The following DZIP1 variants were observed in gnomAD, a reference collection of about 807,000 sequenced individuals.
The protein encoded by DZIP1 is DAZ interacting zinc finger protein 1.
DZIP1 carries 97 observed loss-of-function variants against 107.6 expected under a neutral mutation model. That is an observed-to-expected ratio of 0.90 (90% confidence interval 0.77 to 1.07). The LOEUF is 1.07. Among genes scored for constraint, DZIP1 ranks in the 50% least tolerant of loss-of-function variants. The probability of loss-of-function intolerance (pLI) is 0.00; values close to 1 mark genes in which losing one functional copy is unlikely to be tolerated. For missense variants in DZIP1, 1,035 were observed against 1,063.6 expected (o/e 0.97, Z 0.37); for synonymous variants, 390 against 386.4 (o/e 1.01, Z -0.11).
At chr13:95,621,665 A>AGCGTGTGT (rs1478972077) in intron 9 of DZIP1, among the ~76,000 whole-genome samples, 1 of 123,326 alleles carries the variant, frequency 8.1e-6, no homozygotes, top group East Asian at 2.4e-4. Flanking sequence ...ACCAGTTAGC[A>AGCGTGTGT]GTGTGTGTGT....
chr13:95,587,808 AAAGT>A, intron 19 of DZIP1, 79 bp from the exon 20 acceptor site: 1 of 1,454,668 alleles, frequency 6.9e-7, no homozygotes, highest in Non-Finnish European at 9.2e-7. Flanking sequence ...TGTGCCTCTT[AAAGT>A]GGTGGCACCT....
In DZIP1 at chr13:95,641,441, G is replaced by T; in HGVS notation, c.451C>A (p.Leu151Met). ...CTCTGCTCGCCGTCGCAGTGGCTCA[G>T]GCGCAGCCGCTCCTCCAGGGTGTGC... Reference protein sequence around the residue: ...QLHTLEERLRLSHCDGEQSKK... With the variant: ...QLHTLEERLRMSHCDGEQSKK... Residue 151 changes from leucine to methionine, a missense_variant, in exon 5 of 23, where the codon CTG becomes ATG. Leu to Met is a conservative substitution (Grantham distance 15, BLOSUM62 2). Transcript: ENST00000376829. This position sits in a 1 kb window ranked among gnomAD's most constrained non-coding sequence, Gnocchi z 4.3. 6.2e-7 allele frequency: 1 copy of T among 1,614,150 alleles called. No homozygotes were observed. The highest frequency in any genetic ancestry group is 8.5e-7 in the Non-Finnish European group (1 of 1,180,032).
chr13:95,619,558 C>T (rs1875560085), intron 10 of DZIP1, among the ~76,000 whole-genome samples: 1 of 151,966 alleles, frequency 6.6e-6, no homozygotes, highest in Non-Finnish European at 1.5e-5. Flanking sequence ...TTTTGTGGAC[C>T]ACTTTGGTTT....
chr13:95,630,727 C>G (rs1877094382), intron 6 of DZIP1: 1 of 1,269,434 alleles, frequency 7.9e-7, no homozygotes, highest in Non-Finnish European at 1.0e-6. Context: ...CAGATGTACA[C>G]ATGACTGAAT....
chr13:95,601,957 T>G (rs770794655), intron 14 of DZIP1, among the ~76,000 whole-genome samples: 2 of 152,102 alleles, frequency 1.3e-5, no homozygotes, highest in Non-Finnish European at 2.9e-5. Context: ...GAATCTCAAG[T>G]GTAGGATCAC....
At chr13:95,608,463 GT>G (rs774346232) in intron 13 of DZIP1, among the ~76,000 whole-genome samples, 2,718 of 144,338 alleles carry the variant, frequency 0.019, 80 homozygotes, top group African/African-American at 0.064. Context: ...TTTTTTTTTG[GT>G]TTTTTTTCCT....
At chr13:95,633,385 T>G in intron 5 of DZIP1, 64 bp from the exon 6 acceptor site, 5 of 1,403,072 alleles carry the variant, frequency 3.6e-6, no homozygotes, top group South Asian at 1.2e-5. Flanking sequence ...TAATTGCAAT[T>G]AAAATTCAGG....
At chr13:95,604,853 T>G (rs1244465651) in intron 14 of DZIP1, among the ~76,000 whole-genome samples, 1 of 152,212 alleles carries the variant, frequency 6.6e-6, no homozygotes, top group Non-Finnish European at 1.5e-5. Context: ...TGACATAAAA[T>G]AATATGAATA....
intron 13 of DZIP1, among the ~76,000 whole-genome samples, chr13:95,608,626 TG>T: frequency 1.3e-5 from 2 of 152,322 alleles, no homozygotes; most frequent in East Asian, 3.9e-4. Flanking sequence ...AACCCTACTC[TG>T]GGCACTTAAA....
chr13:95,611,338 G>C, intron 12 of DZIP1, 107 bp downstream of exon 12: 1 of 798,098 alleles, frequency 1.3e-6, no homozygotes, highest in South Asian at 1.6e-5. Context: ...ACAACAAGAA[G>C]AATGCCATCT....
At chr13:95,642,554 T>C (rs1191233228) in intron 3 of DZIP1, among the ~76,000 whole-genome samples, 1 of 152,150 alleles carries the variant, frequency 6.6e-6, no homozygotes, top group Non-Finnish European at 1.5e-5. Context: ...TTACACACGA[T>C]TTAGAAAACA....
At chr13:95,610,428 A>G (rs1187408315) in intron 12 of DZIP1, among the ~76,000 whole-genome samples, 1 of 151,690 alleles carries the variant, frequency 6.6e-6, no homozygotes, top group Non-Finnish European at 1.5e-5. Context: ...CTTCCATCCC[A>G]GCCTCCTGAG....
At chr13:95,588,386 A>C (rs567601787) in intron 19 of DZIP1, among the ~76,000 whole-genome samples, 2 of 152,316 alleles carry the variant, frequency 1.3e-5, no homozygotes, top group East Asian at 3.9e-4. Flanking sequence ...ACAGTGCCTC[A>C]ATGAAAAGAT....
At chr13:95,589,620 G>A (rs560826135) in intron 18 of DZIP1, among the ~76,000 whole-genome samples, 183 bp downstream of exon 18, 19 of 152,336 alleles carry the variant, frequency 1.2e-4, no homozygotes, top group African/African-American at 4.6e-4. Context: ...GAAGGCAGTC[G>A]TCTGCAAGGC....
intron 14 of DZIP1, among the ~76,000 whole-genome samples, chr13:95,604,091 CT>C (rs2044700738): frequency 6.6e-6 from 1 of 152,216 alleles, no homozygotes; most frequent in African/African-American, 2.4e-5. Context: ...TCCACTGTGG[CT>C]GCGTCTAGGT....
intron 14 of DZIP1, among the ~76,000 whole-genome samples, chr13:95,603,819 T>A (rs1800255933): frequency 6.6e-6 from 1 of 152,172 alleles, no homozygotes; most frequent in Non-Finnish European, 1.5e-5. Flanking sequence ...CCGTTTAGCT[T>A]GTGTAGCAGA....
chr13:95,618,947 T>G (rs1875480770), intron 10 of DZIP1, among the ~76,000 whole-genome samples: 1 of 152,220 alleles, frequency 6.6e-6, no homozygotes, highest in Non-Finnish European at 1.5e-5. Context: ...GTAAACACAT[T>G]TTAACACTTA....
rs933395603 is a variant in DZIP1, at chr13:95,589,037, A to G, written c.2027+117T>C. The G allele has an allele frequency of 2.7e-5, 23 of 847,250 alleles. No homozygotes were observed. In the Admixed American group the frequency reaches 4.2e-4, roughly 16 times the overall value. The allele number at this position is 847,250 out of a possible 1,614,324, so 52.5% of individuals were successfully genotyped here. A position where few individuals can be genotyped will look rare whatever the true frequency, so the allele number is the denominator to read the frequency against. ...ACATATCACAAAGGAATGACAAATT[A>G]TGATATTAAATAATTACGGCTTCAT... is the stretch of plus-strand genomic sequence containing the variant. On this transcript the variant is annotated intron_variant, in intron 19 of 22. Transcript: ENST00000376829.
intron 19 of DZIP1, 188 bp from the exon 20 acceptor site, chr13:95,587,917 C>G (rs1220040251): frequency 3.3e-6 from 2 of 605,998 alleles, no homozygotes; most frequent in Non-Finnish European, 5.4e-6. Flanking sequence ...TAGCATCCTC[C>G]CACGCCCAGA....
Sources: gnomAD v4.1 joint callset for allele counts (sites outside exome capture counted in the v4.1 genomes callset) on GRCh38, gnomAD v4.1.1 for gene constraint, Gnocchi (gnomAD v3.1) non-coding constraint, MANE v1.5 for transcripts, NCBI Gene and HGNC (gene_info 2026-07-23, HGNC 2026-07-21) for gene names.